SMPD4: variants seen among roughly 807,000 people sequenced by gnomAD.
SMPD4 encodes sphingomyelin phosphodiesterase 4.
A neutral mutation model predicts 97.8 loss-of-function variants in SMPD4; 58 were observed. The ratio of observed to expected loss-of-function variants is 0.59; its 90% CI spans 0.48 to 0.74. The LOEUF (loss-of-function observed/expected upper bound fraction) is 0.74, where lower values mean the gene tolerates loss of function less well. Among genes scored for constraint, SMPD4 ranks in the 30% least tolerant of loss-of-function variants. The pLI is 0.00. For synonymous variants in SMPD4, 388 were observed against 450.0 expected (o/e 0.86, Z 1.74); for missense variants, 853 against 1,080.5 (o/e 0.79, Z 2.95).
In SMPD4 at chr2:130,161,219, G is replaced by C. The variant is rs1220794474; in HGVS notation, c.918C>G (p.Ala306=). ...LSVSSALYSP[A]QPSLQALHAY... The stretch of plus-strand genomic sequence containing the variant: ...CGTGGAGGGCCTGGAGGCTGGGTTG[G>C]GCGGGGCTGTAGAGGGCGCTGGAGA... The change falls in exon 11 of 20, where the codon GCC becomes GCG. Residue 306 remains alanine, a synonymous_variant. Transcript: ENST00000680298. The C allele has an allele frequency of 6.2e-7, 1 of 1,613,880 alleles. No individual in the cohort carries two copies.
chr2:130,152,619 C>A lies in SMPD4; in HGVS notation c.2420G>T (p.Gly807Val). 1 of 1,554,296 alleles carries A rather than the reference C, an allele frequency of 6.4e-7. No homozygotes were observed. The highest frequency in any genetic ancestry group is 8.7e-7 in the Non-Finnish European group (1 of 1,149,434). Residue 807 changes from glycine (G) to valine (V), a missense_variant, in exon 20 of 20, where the codon GGC (glycine) becomes GTC (valine). This residue lies in a region of SMPD4 where 511 missense variants were observed against 608.1 expected (regional missense o/e 0.84). Transcript: ENST00000680298. ...CATGGCAGAGGCGTAGAGGACATAGCCCAGGGTGAGCAGCAGCGTGCATGG... is the reference window on the plus strand; with the variant it reads ...CATGGCAGAGGCGTAGAGGACATAGACCAGGGTGAGCAGCAGCGTGCATGG... ...PLPCTLLLTL[G>V]YVLYASAMTL...
At chr2:130,155,962 T>C in intron 14 of SMPD4, 73 bp downstream of exon 14, 3 of 1,487,076 alleles carry the variant, frequency 2.0e-6, no homozygotes, top group Non-Finnish European at 2.8e-6. Flanking sequence ...GCCGCTGGCT[T>C]GGCCTCCACC....
At chr2:130,167,181 C>T (rs1299510673) in intron 9 of SMPD4, among the ~76,000 whole-genome samples, 1 of 151,640 alleles carries the variant, frequency 6.6e-6, no homozygotes, top group East Asian at 1.9e-4. Context: ...AGTGCAATGG[C>T]ACGATCTCAG....
At chr2:130,160,969 T>G (rs1172219674) in intron 11 of SMPD4, among the ~76,000 whole-genome samples, 1 of 152,200 alleles carries the variant, frequency 6.6e-6, no homozygotes, top group East Asian at 1.9e-4. Context: ...TGCCTCGTTC[T>G]GCCACAAAGC....
rs1403124120 is a variant in SMPD4, at chr2:130,151,802, AC to A, written c.*752del. The stretch of plus-strand genomic sequence containing the variant: ...GCAGAGCAGAAACTGGCAGAATCCG[AC>A]CCCATCGACCCAGCAGTGTCCCCAA... On this transcript the variant is annotated 3_prime_UTR_variant, in exon 20 of 20. Coordinates refer to ENST00000680298, the MANE Select transcript of SMPD4 (RefSeq NM_017951.5). The A allele has an allele frequency of 6.6e-6, 1 of 151,020 alleles. No homozygotes were observed. The highest frequency in any genetic ancestry group is 2.4e-5 in the African/African-American group (1 of 40,852). 9.4% of individuals were successfully genotyped at this position (151,020 alleles called of 1,614,324 possible).
intron 2 of SMPD4, among the ~76,000 whole-genome samples, chr2:130,175,283 A>T (rs1205814989): frequency 6.6e-6 from 1 of 152,194 alleles, no homozygotes; most frequent in Non-Finnish European, 1.5e-5. Context: ...CCACCAATCC[A>T]TAAGTAGGGG....
At chr2:130,181,443 G>C in intron 1 of SMPD4, 87 bp downstream of exon 1, 6 of 1,518,806 alleles carry the variant, frequency 4.0e-6, no homozygotes, top group Middle Eastern at 2.0e-4. Flanking sequence ...CCTGGGGCTC[G>C]CGGAGGAACG....
intron 14 of SMPD4, 40 bp from the exon 15 acceptor site, chr2:130,155,299 T>G: frequency 6.2e-7 from 1 of 1,612,028 alleles, no homozygotes; most frequent in Non-Finnish European, 8.5e-7. Flanking sequence ...GCCTTCCAAC[T>G]GGAAGCATGC....
At chr2:130,181,620 A>G (rs2104948494), upstream of SMPD4, 2 of 1,586,506 alleles carry the variant, frequency 1.3e-6, no homozygotes, top group South Asian at 2.3e-5. Context: ...GCGCAGAGCC[A>G]CGCCCCGCGG....
intron 7 of SMPD4, 50 bp from the exon 8 acceptor site, chr2:130,172,550 A>G: frequency 6.2e-7 from 1 of 1,613,378 alleles, no homozygotes; most frequent in Non-Finnish European, 8.5e-7. Flanking sequence ...CTGCCAGGCC[A>G]CCAAGCACCA....
At chr2:130,170,037 C>CA (rs75700996) in intron 8 of SMPD4, among the ~76,000 whole-genome samples, 1,498 of 106,386 alleles carry the variant, frequency 0.014, 20 homozygotes, top group African/African-American at 0.043. Context: ...CATATCTCCG[C>CA]AAAAAAAAAA....
chr2:130,179,122 C>G (rs941235552), intron 1 of SMPD4, among the ~76,000 whole-genome samples: 1 of 133,880 alleles, frequency 7.5e-6, no homozygotes, highest in Non-Finnish European at 1.6e-5. Context: ...TTTTTCAATT[C>G]TTTTTTTTTT....
chr2:130,163,094 G>A (rs376944963), intron 10 of SMPD4, among the ~76,000 whole-genome samples: 1 of 152,344 alleles, frequency 6.6e-6, no homozygotes, highest in African/African-American at 2.4e-5. Flanking sequence ...AAGGCAGAAG[G>A]AGCAACAGGA....
At chr2:130,179,184 C>T (rs1296824102) in intron 1 of SMPD4, among the ~76,000 whole-genome samples, 1 of 147,530 alleles carries the variant, frequency 6.8e-6, no homozygotes, top group Non-Finnish European at 1.5e-5. Context: ...AGTCCTGTGG[C>T]GCTATCTTGG....
intron 1 of SMPD4, 113 bp from the exon 2 acceptor site, chr2:130,176,750 C>T (rs1324804185): frequency 2.4e-5 from 19 of 793,712 alleles, no homozygotes; most frequent in African/African-American, 5.2e-5. Context: ...TGCAGCAGCA[C>T]GATCATAGCT....
rs1422294555 is a variant in SMPD4, at chr2:130,154,397, G to A, written c.1539C>T (p.Phe513=). The A allele has an allele frequency of 6.2e-7, 1 of 1,604,332 alleles. No individual in the cohort carries two copies. The highest frequency in any genetic ancestry group is 8.5e-7 in the Non-Finnish European group (1 of 1,175,374). Residue 513 remains phenylalanine, a synonymous_variant, in exon 16 of 20, where the codon TTC becomes TTT. Transcript: ENST00000680298. ...TGACCGCTGGTGGCCAGGGTGACAGGAAGCTCCCAGTGAATGTGGGGGCCG... is the reference window on the plus strand; with the variant it reads ...TGACCGCTGGTGGCCAGGGTGACAGAAAGCTCCCAGTGAATGTGGGGGCCG... ...LFTAPTFTGS[F]LSPWPPAVTD...
intron 11 of SMPD4, chr2:130,158,119 G>A: frequency 8.3e-6 from 9 of 1,084,002 alleles, no homozygotes; most frequent in Non-Finnish European, 1.1e-5. Flanking sequence ...CAGCGTGGGT[G>A]AGAGTAAGAC....
intron 8 of SMPD4, among the ~76,000 whole-genome samples, chr2:130,170,971 G>A (rs1177917882): frequency 1.3e-5 from 2 of 151,854 alleles, no homozygotes; most frequent in African/African-American, 2.4e-5. Flanking sequence ...TGAGGTGGGA[G>A]AATCACTTGA....
chr2:130,177,144 G>A (rs1259792086), intron 1 of SMPD4, among the ~76,000 whole-genome samples: 1 of 152,188 alleles, frequency 6.6e-6, no homozygotes. Flanking sequence ...ACAGTGGTGC[G>A]ATCATAGCTC....
Sources: gnomAD v4.1 joint callset for allele counts (sites outside exome capture counted in the v4.1 genomes callset) on GRCh38, gnomAD v4.1.1 for gene constraint, gnomAD v4.1.1 regional missense constraint, MANE v1.5 for transcripts, NCBI Gene and HGNC (gene_info 2026-07-23, HGNC 2026-07-21) for gene names.